Variants in CSGALNACT1 observed in about 807,000 individuals in gnomAD.
The protein encoded by CSGALNACT1 is chondroitin sulfate N-acetylgalactosaminyltransferase 1, also known as beta4GalNAcT-1.
Under a neutral mutation model 51.0 loss-of-function variants are expected in CSGALNACT1, and 52 were observed. The observed-to-expected ratio is 1.02, with a 90% CI of 0.82 to 1.29. CSGALNACT1 has a LOEUF of 1.29. CSGALNACT1 is among the 50% of genes most tolerant of loss of function. The pLI is 0.00. For missense variants in CSGALNACT1, 935 were observed against 679.2 expected (o/e 1.38, Z -4.19); for synonymous variants, 341 against 254.4 (o/e 1.34, Z -3.24).
chr8:19,682,606 G>A (rs548594214), upstream of CSGALNACT1: 32 of 453,930 alleles, frequency 7.0e-5, no homozygotes, highest in South Asian at 5.0e-4. Context: ...TGTACACTGG[G>A]ACTTCAGAGC....
intron 1 of CSGALNACT1, among the ~76,000 whole-genome samples, chr8:19,727,230 A>T (rs1056590075): frequency 6.6e-6 from 1 of 152,196 alleles, no homozygotes; most frequent in Non-Finnish European, 1.5e-5. Context: ...GAGAAAAAAA[A>T]TGTCCAGTGG....
intron 1 of CSGALNACT1, among the ~76,000 whole-genome samples, chr8:19,645,416 T>C (rs2057175645): frequency 6.6e-6 from 1 of 152,192 alleles, no homozygotes; most frequent in Admixed American, 6.5e-5. Flanking sequence ...CAAGCTGCTG[T>C]GGTGGAAATT....
chr8:19,756,227 A>AC (rs201103356), intron 1 of CSGALNACT1, among the ~76,000 whole-genome samples: 15 of 147,826 alleles, frequency 1.0e-4, no homozygotes, highest in Non-Finnish European at 1.6e-4. Context: ...TTTCCAGTTT[A>AC]AAAAAAAAAA....
intron 4 of CSGALNACT1, among the ~76,000 whole-genome samples, chr8:19,502,524 G>C (rs186859748): frequency 6.6e-6 from 1 of 152,206 alleles, no homozygotes; most frequent in African/African-American, 2.4e-5. Flanking sequence ...CCCCATCTTT[G>C]TTATACTACT....
At chr8:19,470,556 G>T (rs1438964247) in intron 4 of CSGALNACT1, among the ~76,000 whole-genome samples, 1 of 152,220 alleles carries the variant, frequency 6.6e-6, no homozygotes, top group South Asian at 2.1e-4. Context: ...TGAGGGCAAG[G>T]AAGGCAGGCA....
rs147015886 is a variant in CSGALNACT1, at chr8:19,418,692, G to A, written c.1191C>T (p.Gly397=). ...CCAAGGGAGGGACTGCATCATGGTG[G>A]CCGTATATTATGCCAGGATTGTACT... Residue 397 remains glycine, a synonymous_variant, in exon 8 of 10, where the codon GGC becomes GGT. Coordinates refer to ENST00000454498, the Ensembl canonical transcript of CSGALNACT1. 15 of 1,613,272 alleles carry A rather than the reference G, an allele frequency of 9.3e-6. No homozygotes were observed. The East Asian group carries it at 1.8e-4, about 19-fold the overall frequency.
intron 3 of CSGALNACT1, among the ~76,000 whole-genome samples, chr8:19,533,941 A>G (rs2083269555): frequency 6.6e-6 from 1 of 152,066 alleles, no homozygotes; most frequent in Non-Finnish European, 1.5e-5. Flanking sequence ...CACCAAAATA[A>G]TCTCCCCAGA....
chr8:19,708,822 G>C (rs1450882850), intron 1 of CSGALNACT1, among the ~76,000 whole-genome samples: 2 of 152,176 alleles, frequency 1.3e-5, no homozygotes, highest in Non-Finnish European at 2.9e-5. Flanking sequence ...GGGCAGGTGA[G>C]TGCTCCCTAT....
rs2154190267 is a variant in CSGALNACT1, at chr8:19,660,728, G to A, written c.-544+21745C>T. On this transcript the variant is annotated intron_variant, in intron 1 of 9. Transcript: ENST00000332246. The stretch of plus-strand genomic sequence containing the variant: ...CAGAGCCTACCTCCCCATGATCCCT[G>A]ATATTAAAGGCAATGACATGGTAGA... Among the ~76,000 whole-genome samples the A allele has an allele frequency of 1.3e-5, 2 of 152,184 alleles. 1 individual carries two copies.
chr8:19,415,226 G>A (rs539893423), intron 8 of CSGALNACT1, among the ~76,000 whole-genome samples: 5 of 152,284 alleles, frequency 3.3e-5, no homozygotes, highest in African/African-American at 1.2e-4. Flanking sequence ...TAATGAAAGC[G>A]TTTCATTTCT....
intron 3 of CSGALNACT1, among the ~76,000 whole-genome samples, chr8:19,568,651 A>AAT (rs2042375454): frequency 6.6e-6 from 1 of 152,188 alleles, no homozygotes; most frequent in Non-Finnish European, 1.5e-5. Context: ...CTAAAGTGGC[A>AAT]ATATATATAA....
intron 3 of CSGALNACT1, among the ~76,000 whole-genome samples, chr8:19,571,474 A>G (rs1397898092): frequency 1.6e-5 from 2 of 123,972 alleles, no homozygotes; most frequent in Non-Finnish European, 3.1e-5. Context: ...AAACAAAAAC[A>G]AAAAAAAAAA....
intron 1 of CSGALNACT1, among the ~76,000 whole-genome samples, chr8:19,607,848 T>C (rs1465331029): frequency 3.9e-5 from 6 of 152,218 alleles, no homozygotes; most frequent in African/African-American, 1.4e-4. Flanking sequence ...TCTGTTGTCT[T>C]CTCACTCCTA....
At chr8:19,658,110 A>G (rs987792723) in intron 1 of CSGALNACT1, among the ~76,000 whole-genome samples, 1 of 151,058 alleles carries the variant, frequency 6.6e-6, no homozygotes, top group Non-Finnish European at 1.5e-5. Context: ...TAACCCCCCA[A>G]TGTGATAGAT....
intron 1 of CSGALNACT1, among the ~76,000 whole-genome samples, chr8:19,692,795 T>TA (rs1441169126): frequency 2.0e-5 from 3 of 152,204 alleles, no homozygotes; most frequent in Admixed American, 6.5e-5. Flanking sequence ...AATAGAAATC[T>TA]AAAAAAAGAG....
In CSGALNACT1 at chr8:19,422,970, G is replaced by A. The variant is rs2058183243; in HGVS notation, c.954-2452C>T. 1.3e-5 allele frequency among the ~76,000 whole-genome samples: 2 copies of A among 151,966 alleles called. 1 individual carries two copies. Among genetic ancestry groups the A allele is most frequent in the South Asian group, 4.2e-4 (2 of 4,798 alleles). On this transcript the variant is annotated intron_variant, in intron 6 of 9. Transcript: ENST00000454498. ...GCTGTTTCCAGGTTCCTATCTTTTG[G>A]GACCTCTTCCTCCCCATTATACAGG...
intron 4 of CSGALNACT1, among the ~76,000 whole-genome samples, chr8:19,463,055 T>C (rs1372756253): frequency 1.3e-5 from 2 of 152,198 alleles, no homozygotes; most frequent in African/African-American, 4.8e-5. Flanking sequence ...ACCTCCCACT[T>C]ACAAGTGAGA....
At chr8:19,628,891 A>G (rs1418807300) in intron 1 of CSGALNACT1, among the ~76,000 whole-genome samples, 1 of 152,206 alleles carries the variant, frequency 6.6e-6, no homozygotes, top group South Asian at 2.1e-4. Flanking sequence ...AAAAAGACAA[A>G]GTAAACCAAA....
At chr8:19,523,959 T>C (rs1014481) in intron 3 of CSGALNACT1, among the ~76,000 whole-genome samples, 21,835 of 152,148 alleles carry the variant, frequency 0.14, 1,716 homozygotes, top group Non-Finnish European at 0.18. Context: ...TAGGTAGAGA[T>C]GGAAAAACTT....
Sources: allele counts gnomAD v4.1 joint callset (sites outside exome capture counted in the v4.1 genomes callset), GRCh38; gene constraint gnomAD v4.1.1; transcripts MANE v1.5; gene names NCBI Gene and HGNC (gene_info 2026-07-23, HGNC 2026-07-21).